The following CEP85L variants were observed in gnomAD, a reference collection of about 807,000 sequenced individuals.
CEP85L encodes the protein centrosomal protein 85L.
CEP85L carries 60 observed loss-of-function variants against 100.3 expected under a neutral mutation model. The ratio of observed to expected loss-of-function variants is 0.60; its 90% CI spans 0.49 to 0.74. The LOEUF is 0.74. CEP85L is among the 30% of genes least tolerant of loss of function. The pLI is 0.00. For missense variants in CEP85L, 973 were observed against 936.2 expected (o/e 1.04, Z -0.51); for synonymous variants, 319 against 322.7 (o/e 0.99, Z 0.12).
chr6:118,572,903 A>T lies in CEP85L; in HGVS notation c.233-6587T>A, dbSNP rs201925594. ...ATGGTAAAACCCATTTCTACTAAAA[A>T]TACAAAAAATTAGCCGGGCGCAGTG... On this transcript the variant is annotated intron_variant, in intron 2 of 12. Coordinates refer to ENST00000368491, the MANE Select transcript of CEP85L (RefSeq NM_001042475.3). Among the ~76,000 whole-genome samples the T allele has an allele frequency of 7.3e-5, 11 of 151,718 alleles. No individual in the cohort carries two copies. The East Asian group carries it at 1.9e-3, about 27-fold the overall frequency.
intron 2 of CEP85L, among the ~76,000 whole-genome samples, chr6:118,593,996 T>C (rs1252996610): frequency 6.6e-6 from 1 of 152,098 alleles, no homozygotes; most frequent in Admixed American, 6.6e-5. Flanking sequence ...CTGCCAGGAG[T>C]CTTTTCCCTA....
chr6:118,518,975 A>C (rs1404248174), intron 4 of CEP85L, among the ~76,000 whole-genome samples: 1 of 152,122 alleles, frequency 6.6e-6, no homozygotes, highest in Non-Finnish European at 1.5e-5. Flanking sequence ...TTTCTGCCTT[A>C]ATTTCATTAT....
rs1562297733 is a variant in CEP85L at position 118,600,300 on chromosome 6, G to GGGTGTGTGT, written c.232+32152_232+32153insACACACACC. On this transcript the variant is annotated intron_variant, in intron 2 of 12. Transcript: ENST00000368491. ...CTGCCTGTCCCTGAGCCTTCCTGGG[G>GGGTGTGTGT]GTGTGTGTGTGTGTGTGTGTGTGTG... Among the ~76,000 whole-genome samples the GGGTGTGTGT allele has an allele frequency of 2.1e-3, 108 of 52,244 alleles. 18 individuals carry two copies. The highest frequency in any genetic ancestry group is 3.5e-3 in the South Asian group (5 of 1,420). The allele number at this position is 52,244 out of a possible 152,430, so 34.3% of individuals were successfully genotyped here. A position where few individuals can be genotyped will look rare whatever the true frequency, so the allele number is the denominator to read the frequency against.
At chr6:118,565,079 TTC>T (rs1440535068) in intron 3 of CEP85L, 2 of 159,630 alleles carry the variant, frequency 1.3e-5, no homozygotes, top group Admixed American at 6.1e-5. Context: ...TAGTTCCACC[TTC>T]TCATTGTACA....
At chr6:118,591,242 C>T (rs1046492778) in intron 2 of CEP85L, among the ~76,000 whole-genome samples, 10 of 152,120 alleles carry the variant, frequency 6.6e-5, no homozygotes, top group African/African-American at 2.2e-4. Flanking sequence ...GGCCAATTCA[C>T]GCTGACTTCC....
Position 118,491,729 on chromosome 6 carries a change from CTTTG to C in CEP85L, c.1390_1393del (p.Gln464AspfsTer2), listed in dbSNP as rs1774587347. On this transcript the variant is annotated frameshift_variant, in exon 6 of 13. Transcript: ENST00000368491. LOFTEE classifies it high-confidence loss of function. Reference sequence around the variant, plus strand: ...CTTCTCTTCACTAAATAGGCTTAGTCTTTGTTTGAGAAACTCATTAAGCTGTAAA... The same window carrying C: ...CTTCTCTTCACTAAATAGGCTTAGTCTTTGAGAAACTCATTAAGCTGTAAA... 2.5e-6 allele frequency: 4 copies of C among 1,613,024 alleles called. No individual in the cohort carries two copies. Among genetic ancestry groups the C allele is most frequent in the Non-Finnish European group, 2.5e-6 (3 of 1,179,522 alleles).
At chr6:118,565,341 A>C (rs921149763) in intron 3 of CEP85L, 188 bp downstream of exon 3, 8 of 606,198 alleles carry the variant, frequency 1.3e-5, no homozygotes, top group Non-Finnish European at 2.3e-5. Context: ...TTTTCATGTT[A>C]ATTAGTCTCA....
chr6:118,568,204 T>C (rs1195990327), intron 2 of CEP85L, among the ~76,000 whole-genome samples: 2 of 152,208 alleles, frequency 1.3e-5, no homozygotes, highest in Non-Finnish European at 2.9e-5. Context: ...TCAAAATTCC[T>C]ATCCCAGAAC....
intron 10 of CEP85L, among the ~76,000 whole-genome samples, chr6:118,474,715 G>C (rs755696287): frequency 4.6e-5 from 7 of 152,108 alleles, no homozygotes; most frequent in Non-Finnish European, 8.8e-5. Flanking sequence ...TTTTGCCTGA[G>C]GAAAAGTAGG....
chr6:118,476,020 A>T (rs1472653038), intron 10 of CEP85L, among the ~76,000 whole-genome samples: 5 of 152,212 alleles, frequency 3.3e-5, no homozygotes, highest in Admixed American at 2.6e-4. Context: ...TATCTTAAAA[A>T]GTATTACAAA....
At chr6:118,671,126 G>A (rs994625925) in intron 1 of CEP85L, among the ~76,000 whole-genome samples, 25 of 152,178 alleles carry the variant, frequency 1.6e-4, no homozygotes, top group African/African-American at 4.8e-4. Flanking sequence ...CTATGTTATC[G>A]TAAGCAATTG....
At chr6:118,471,090 T>C (rs755348703) in intron 10 of CEP85L, among the ~76,000 whole-genome samples, 2 of 152,078 alleles carry the variant, frequency 1.3e-5, no homozygotes, top group Non-Finnish European at 2.9e-5. Flanking sequence ...CTATTTTCTA[T>C]CATTTGAAAC....
At chr6:118,584,059 T>A (rs1780724574) in intron 2 of CEP85L, among the ~76,000 whole-genome samples, 1 of 152,216 alleles carries the variant, frequency 6.6e-6, no homozygotes, top group South Asian at 2.1e-4. Context: ...TTTGAAATAG[T>A]CCTCATCTGT....
chr6:118,579,530 A>C (rs1276175441), intron 2 of CEP85L, among the ~76,000 whole-genome samples: 1 of 152,164 alleles, frequency 6.6e-6, no homozygotes, highest in Non-Finnish European at 1.5e-5. Flanking sequence ...GAGAGCTGTA[A>C]GTGTTACTTC....
intron 4 of CEP85L, among the ~76,000 whole-genome samples, chr6:118,521,147 G>A (rs1333300089): frequency 6.6e-5 from 10 of 152,168 alleles, no homozygotes; most frequent in South Asian, 2.1e-4. Context: ...TAAAAAGTTC[G>A]GCAGGTTTAC....
chr6:118,511,477 T>A, intron 4 of CEP85L, 62 bp from the exon 5 acceptor site: 1 of 1,034,454 alleles, frequency 9.7e-7, no homozygotes, highest in Non-Finnish European at 1.5e-6. Flanking sequence ...AGAAGAACCT[T>A]AAGGAGCTTA....
chr6:118,681,959 C>CA (rs1776677156), intron 1 of CEP85L, among the ~76,000 whole-genome samples: 1 of 152,052 alleles, frequency 6.6e-6, no homozygotes, highest in Non-Finnish European at 1.5e-5. Flanking sequence ...AGGCTGGTCT[C>CA]AAACTCCTGA....
At chr6:118,582,302 T>A (rs868807887) in intron 2 of CEP85L, among the ~76,000 whole-genome samples, 27 of 152,218 alleles carry the variant, frequency 1.8e-4, no homozygotes, top group African/African-American at 6.5e-4. Context: ...GGCCCAATTT[T>A]CTGATGACTC....
chr6:118,559,103 C>A (rs1779079570), intron 3 of CEP85L: 6 of 1,583,956 alleles, frequency 3.8e-6, no homozygotes, highest in Middle Eastern at 1.7e-4. Context: ...ACCTCTAGAT[C>A]TGCAGCTTGC....
Sources: allele counts gnomAD v4.1 joint callset (sites outside exome capture counted in the v4.1 genomes callset), GRCh38; gene constraint gnomAD v4.1.1; transcripts MANE v1.5; gene names NCBI Gene and HGNC (gene_info 2026-07-23, HGNC 2026-07-21).